LOC400499: variants seen among roughly 807,000 people sequenced by gnomAD.
At chr16:11,414,590 G>A in the LOC400499 span, 1 of 399,218 alleles carries the variant, frequency 2.5e-6, no homozygotes, top group Non-Finnish European at 4.4e-6. Flanking sequence ...CTACATGAGA[G>A]GCCATGCCCT....
At chr16:11,376,347 G>T in the LOC400499 span, among the ~76,000 whole-genome samples, 1 of 132,152 alleles carries the variant, frequency 7.6e-6, no homozygotes, top group Non-Finnish European at 1.7e-5. Flanking sequence ...CCATTATTGA[G>T]GTTTTCTTTT....
chr16:11,429,675 T>C, the LOC400499 span, among the ~76,000 whole-genome samples: 3 of 152,100 alleles, frequency 2.0e-5, no homozygotes, highest in Non-Finnish European at 4.4e-5. Flanking sequence ...GGTTTCACCA[T>C]GTTGGCCAGG....
chr16:11,378,611 C>T, the LOC400499 span, among the ~76,000 whole-genome samples: 1 of 152,182 alleles, frequency 6.6e-6, no homozygotes, highest in African/African-American at 2.4e-5. Context: ...TCCCTCATAG[C>T]ACTGCTTTTG....
At chr16:11,414,259 G>C in the LOC400499 span, 1 of 398,998 alleles carries the variant, frequency 2.5e-6, no homozygotes, top group Non-Finnish European at 4.4e-6. Flanking sequence ...CACCCACCCT[G>C]CACACAGCGG....
chr16:11,439,778 T>A, the LOC400499 span, among the ~76,000 whole-genome samples: 2 of 152,036 alleles, frequency 1.3e-5, no homozygotes, highest in Non-Finnish European at 2.9e-5. Flanking sequence ...GGAAGTGACA[T>A]CCTGGATGGG....
chr16:11,434,882 G>A, the LOC400499 span, among the ~76,000 whole-genome samples: 7 of 152,154 alleles, frequency 4.6e-5, no homozygotes, highest in Admixed American at 4.6e-4. Flanking sequence ...GTGGACACAT[G>A]AGTAGGTAAA....
the LOC400499 span, among the ~76,000 whole-genome samples, chr16:11,412,161 G>A: frequency 6.6e-6 from 1 of 152,110 alleles, no homozygotes; most frequent in Non-Finnish European, 1.5e-5. Flanking sequence ...CGCTGTGCCA[G>A]GCCTCTCTCC....
At chr16:11,489,812 G>A in the LOC400499 span, among the ~76,000 whole-genome samples, 5 of 152,194 alleles carry the variant, frequency 3.3e-5, no homozygotes, top group African/African-American at 9.7e-5. Flanking sequence ...ATGTAATTCA[G>A]CAACGTCACA....
the LOC400499 span, among the ~76,000 whole-genome samples, chr16:11,444,123 G>A: frequency 6.6e-6 from 1 of 152,092 alleles, no homozygotes; most frequent in Non-Finnish European, 1.5e-5. Context: ...TTACATGTGT[G>A]AGCCACCACA....
the LOC400499 span, among the ~76,000 whole-genome samples, chr16:11,429,233 G>A: frequency 6.6e-6 from 1 of 152,074 alleles, no homozygotes; most frequent in Non-Finnish European, 1.5e-5. Flanking sequence ...CCTTTCCATA[G>A]TGAGATCTGG....
the LOC400499 span, among the ~76,000 whole-genome samples, chr16:11,387,860 C>G: frequency 6.6e-6 from 1 of 152,060 alleles, no homozygotes; most frequent in African/African-American, 2.4e-5. Flanking sequence ...CTGACTTCAA[C>G]TGATCTGCCC....
chr16:11,454,244 T>G, the LOC400499 span, among the ~76,000 whole-genome samples: 1 of 152,234 alleles, frequency 6.6e-6, no homozygotes, highest in Non-Finnish European at 1.5e-5. Flanking sequence ...ACTGTCCCAG[T>G]AGAATGAAGA....
At chr16:11,383,494 A>T in the LOC400499 span, 1 of 910,226 alleles carries the variant, frequency 1.1e-6, no homozygotes, top group Non-Finnish European at 1.4e-6. Context: ...ACACATCCAA[A>T]CAGGCAGTCT....
chr16:11,495,440 G>A, the LOC400499 span, among the ~76,000 whole-genome samples: 2 of 151,262 alleles, frequency 1.3e-5, no homozygotes, highest in African/African-American at 4.8e-5. Context: ...GAGTGCAGTG[G>A]CCCTATCTAG....
chr16:11,412,677 G>C, the LOC400499 span, among the ~76,000 whole-genome samples: 2 of 152,350 alleles, frequency 1.3e-5, no homozygotes, highest in Admixed American at 1.3e-4. Flanking sequence ...TTATAGCTGT[G>C]TGACCTTGGA....
chr16:11,422,675 A>T, the LOC400499 span, among the ~76,000 whole-genome samples: 1 of 152,192 alleles, frequency 6.6e-6, no homozygotes, highest in African/African-American at 2.4e-5. Context: ...GGATACTACC[A>T]TGCACAAAAT....
At chr16:11,432,857 A>G in the LOC400499 span, among the ~76,000 whole-genome samples, 1 of 152,346 alleles carries the variant, frequency 6.6e-6, no homozygotes, top group Admixed American at 6.5e-5. Context: ...GGAAGCTCAG[A>G]GCCAAATCTT....
chr16:11,511,350 G>A, the LOC400499 span, among the ~76,000 whole-genome samples: 29 of 152,162 alleles, frequency 1.9e-4, no homozygotes, highest in Middle Eastern at 0.017. Context: ...TGACCTACCC[G>A]TATATTTACA....
the LOC400499 span, among the ~76,000 whole-genome samples, chr16:11,402,859 A>G: frequency 1.2e-4 from 18 of 150,874 alleles, no homozygotes; most frequent in Admixed American, 1.2e-3. Context: ...GGCAGCCGCA[A>G]CCTCAACAAC....
Sources: allele counts gnomAD v4.1 joint callset (sites outside exome capture counted in the v4.1 genomes callset), GRCh38; gene constraint gnomAD v4.1.1; transcripts MANE v1.5.